Variants in MYO1E observed in about 807,000 individuals in gnomAD.
The protein encoded by MYO1E is myosin IE.
In MYO1E, 68 loss-of-function variants were observed where a neutral mutation model predicts 151.1. That is an observed-to-expected ratio of 0.45 (90% CI 0.37 to 0.55). The LOEUF is 0.55. MYO1E is among the 20% of genes least tolerant of loss of function. MYO1E has a pLI of 0.00. For missense variants in MYO1E, 1,363 were observed against 1,389.3 expected, an observed-to-expected ratio of 0.98 and a Z score of 0.30; for synonymous variants, 601 against 501.7, an observed-to-expected ratio of 1.20 and a Z score of -2.64.
At chr15:59,343,470 T>C (rs1567020250) in intron 1 of MYO1E, among the ~76,000 whole-genome samples, 1 of 152,202 alleles carries the variant, frequency 6.6e-6, no homozygotes, top group Admixed American at 6.5e-5. Flanking sequence ...AGTTTTGTTA[T>C]TACATGCCTT....
rs1566967175 is a variant in MYO1E, at chr15:59,160,338, T to TGTGTGTGTGC, written c.2785+734_2785+735insGCACACACAC. The stretch of plus-strand genomic sequence containing the variant: ...TTAGACTGGGGTTTGAGGTAGTGCG[T>TGTGTGTGTGC]GTGTGTGTGTGTGTGTGTGTGTGTG... On this transcript the variant is annotated intron_variant, in intron 24 of 27. Transcript: ENST00000288235. 1.2e-4 allele frequency among the ~76,000 whole-genome samples: 3 copies of TGTGTGTGTGC among 25,958 alleles called. No individual in the cohort carries two copies. In the East Asian group the frequency reaches 2.2e-3, roughly 19 times the overall value. 17.0% of individuals were successfully genotyped at this position (25,958 alleles called of 152,430 possible).
At chr15:59,316,459 C>T (rs2080589632) in intron 1 of MYO1E, among the ~76,000 whole-genome samples, 1 of 152,164 alleles carries the variant, frequency 6.6e-6, no homozygotes, top group African/African-American at 2.4e-5. Context: ...GGGCAGCACT[C>T]TTTCTTCCCA....
intron 4 of MYO1E, among the ~76,000 whole-genome samples, chr15:59,247,927 G>A (rs1413358213): frequency 6.6e-6 from 1 of 152,018 alleles, no homozygotes; most frequent in South Asian, 2.1e-4. Flanking sequence ...TTCAAGACCA[G>A]CCTGGCCAAC....
intron 26 of MYO1E, among the ~76,000 whole-genome samples, chr15:59,144,500 G>A (rs1453278087): frequency 6.6e-6 from 1 of 152,114 alleles, no homozygotes; most frequent in Non-Finnish European, 1.5e-5. Flanking sequence ...TTGCCATGTT[G>A]CCCAGGCTGG....
intron 1 of MYO1E, among the ~76,000 whole-genome samples, chr15:59,314,060 C>G (rs752321084): frequency 6.6e-6 from 1 of 152,134 alleles, no homozygotes; most frequent in Non-Finnish European, 1.5e-5. Flanking sequence ...TGATGATGGC[C>G]GGTGTTGCTT....
intron 18 of MYO1E, among the ~76,000 whole-genome samples, chr15:59,183,142 T>A (rs767845667): frequency 9.3e-6 from 1 of 107,678 alleles, no homozygotes; most frequent in African/African-American, 3.7e-5. Flanking sequence ...CTGCTGCGAG[T>A]TGGGGACCCC....
intron 17 of MYO1E, among the ~76,000 whole-genome samples, 175 bp from the exon 18 acceptor site, chr15:59,188,391 T>G (rs984378334): frequency 2.6e-5 from 4 of 152,128 alleles, no homozygotes; most frequent in Non-Finnish European, 5.9e-5. Flanking sequence ...TGCTAATTTT[T>G]AAATATTGAA....
intron 1 of MYO1E, among the ~76,000 whole-genome samples, chr15:59,330,819 A>G (rs2080693710): frequency 6.6e-6 from 1 of 152,124 alleles, no homozygotes; most frequent in Admixed American, 6.5e-5. Flanking sequence ...CCTAGGCTGA[A>G]GTGCAGTGGT....
intron 1 of MYO1E, among the ~76,000 whole-genome samples, chr15:59,365,417 G>A (rs535515371): frequency 4.6e-5 from 7 of 152,208 alleles, no homozygotes; most frequent in South Asian, 2.1e-4. Flanking sequence ...ATCTGGTCAC[G>A]TCCAGACTCT....
intron 10 of MYO1E, among the ~76,000 whole-genome samples, chr15:59,216,724 AT>A (rs1383247443): frequency 8.4e-5 from 11 of 131,460 alleles, no homozygotes; most frequent in African/African-American, 2.5e-4. Context: ...ACACACACAC[AT>A]AATTATGCCA....
intron 1 of MYO1E, among the ~76,000 whole-genome samples, chr15:59,296,666 T>C (rs2080450085): frequency 6.6e-6 from 1 of 152,102 alleles, no homozygotes; most frequent in African/African-American, 2.4e-5. Context: ...GATGGAGACC[T>C]CTTCCAGTCC....
chr15:59,216,417 ATAGT>A (rs1488755852), intron 10 of MYO1E, among the ~76,000 whole-genome samples: 5 of 151,932 alleles, frequency 3.3e-5, no homozygotes, highest in South Asian at 4.2e-4. Context: ...GGGCACTAAC[ATAGT>A]TAGTTCTATA....
At chr15:59,256,438 A>T in intron 3 of MYO1E, 60 bp from the exon 4 acceptor site, 1 of 1,051,704 alleles carries the variant, frequency 9.5e-7, no homozygotes, top group East Asian at 2.8e-5. Flanking sequence ...ATAAAAACAA[A>T]ATCATGGTCA....
chr15:59,210,930 G>A (rs572863237), intron 12 of MYO1E, among the ~76,000 whole-genome samples: 7 of 152,060 alleles, frequency 4.6e-5, no homozygotes, highest in Non-Finnish European at 8.8e-5. Context: ...GACTGGGCGC[G>A]GTGGCTCACA....
At chr15:59,153,442 C>T (rs1245924873) in intron 26 of MYO1E, 148 bp downstream of exon 26, 7 of 787,522 alleles carry the variant, frequency 8.9e-6, no homozygotes, top group Non-Finnish European at 1.3e-5. Flanking sequence ...CACAGCCCCA[C>T]AGCCTTGGGT....
chr15:59,315,081 C>G (rs1459375649), intron 1 of MYO1E, among the ~76,000 whole-genome samples: 1 of 152,162 alleles, frequency 6.6e-6, no homozygotes, highest in Admixed American at 6.5e-5. Flanking sequence ...TGGGGGCCAC[C>G]AGCTTACAGC....
At chr15:59,138,626 G>A (rs2079388586) in intron 26 of MYO1E, among the ~76,000 whole-genome samples, 1 of 152,176 alleles carries the variant, frequency 6.6e-6, no homozygotes, top group African/African-American at 2.4e-5. Context: ...AAGGAAATGT[G>A]GGAGACACAT....
At chr15:59,230,834 G>A (rs1030769649) in intron 6 of MYO1E, among the ~76,000 whole-genome samples, 11 of 152,086 alleles carry the variant, frequency 7.2e-5, no homozygotes, top group Non-Finnish European at 1.3e-4. Context: ...ATTTTAAAAC[G>A]TTCCAGAATC....
intron 7 of MYO1E, among the ~76,000 whole-genome samples, chr15:59,226,781 T>A (rs1403123532): frequency 6.6e-6 from 1 of 152,216 alleles, no homozygotes; most frequent in Non-Finnish European, 1.5e-5. Context: ...CACTCCAGCC[T>A]GGGCAAGAGA....
Sources: allele counts gnomAD v4.1 joint callset (sites outside exome capture counted in the v4.1 genomes callset), GRCh38; gene constraint gnomAD v4.1.1; transcripts MANE v1.5; gene names NCBI Gene and HGNC (gene_info 2026-07-23, HGNC 2026-07-21).